COL6A6: variants seen among roughly 807,000 people sequenced by gnomAD.
COL6A6 encodes collagen alpha-6(VI) chain.
COL6A6 carries 183 observed loss-of-function variants against 208.6 expected under a neutral mutation model. The observed-to-expected ratio is 0.88, with a 90% confidence interval of 0.78 to 0.99. COL6A6 has a LOEUF of 0.99. Ranked by LOEUF, COL6A6 falls within the 50% of genes least tolerant of loss-of-function variation. The pLI is 0.00. For missense variants in COL6A6, 2,816 were observed against 2,815.2 expected (o/e 1.00, Z -0.01); for synonymous variants, 973 against 1,011.8 (o/e 0.96, Z 0.73).
At chr3:130,516,889 A>G (rs1710765646), upstream of COL6A6, among the ~76,000 whole-genome samples, 1 of 152,162 alleles carries the variant, frequency 6.6e-6, no homozygotes, top group Admixed American at 6.5e-5. Flanking sequence ...TCGGATCTGC[A>G]CGCCCTGCCT....
chr3:130,571,265 G>A lies in COL6A6; in HGVS notation c.2849G>A (p.Gly950Asp). 1 of 1,614,022 alleles carries A rather than the reference G, an allele frequency of 6.2e-7. No homozygotes were observed. Among genetic ancestry groups the A allele is most frequent in the Non-Finnish European group, 8.5e-7 (1 of 1,179,858 alleles). ...GILVLAVGID[G>D]ANPVELLAMA... ...CTTGTCCTGGCTGTGGGGATTGATG[G>A]TGCCAATCCCGTGGAGCTGTTAGCC... Residue 950 changes from glycine to aspartate, a missense_variant, in exon 7 of 37, where the codon GGT becomes GAT. Gly to Asp is a moderately conservative substitution (Grantham distance 94). Coordinates refer to ENST00000358511, the MANE Select transcript of COL6A6 (RefSeq NM_001102608.3).
chr3:130,537,023 G>A (rs1193913253), intron 1 of COL6A6, among the ~76,000 whole-genome samples: 9 of 152,198 alleles, frequency 5.9e-5, no homozygotes, highest in Admixed American at 2.0e-4. Flanking sequence ...GAAAGGAGAT[G>A]AGTTAATTAT....
At chr3:130,611,699 T>A (rs373383887) in intron 23 of COL6A6, among the ~76,000 whole-genome samples, 1 of 152,220 alleles carries the variant, frequency 6.6e-6, no homozygotes, top group Non-Finnish European at 1.5e-5. Flanking sequence ...CAGTCCAATA[T>A]GTAAGTGGTT....
At chr3:130,668,204 C>T (rs1275152606) in intron 36 of COL6A6, among the ~76,000 whole-genome samples, 7 of 151,980 alleles carry the variant, frequency 4.6e-5, no homozygotes, top group South Asian at 4.1e-4. Flanking sequence ...CAGCTGGGCG[C>T]GGTGGCTCAT....
At chr3:130,543,987 A>G (rs1194965162) in intron 1 of COL6A6, among the ~76,000 whole-genome samples, 1 of 152,148 alleles carries the variant, frequency 6.6e-6, no homozygotes, top group Non-Finnish European at 1.5e-5. Flanking sequence ...AGCCAAATAA[A>G]TTAATATATC....
chr3:130,523,871 C>T (rs1711226251), intron 1 of COL6A6, among the ~76,000 whole-genome samples: 1 of 152,168 alleles, frequency 6.6e-6, no homozygotes, highest in South Asian at 2.1e-4. Context: ...CAGTTTCTTC[C>T]AAACAGTCTT....
intron 36 of COL6A6, among the ~76,000 whole-genome samples, chr3:130,673,157 C>T (rs181964093): frequency 5.5e-5 from 7 of 126,974 alleles, no homozygotes; most frequent in African/African-American, 1.2e-4. Flanking sequence ...CCAGCCTGGG[C>T]GACAGAGCAA....
chr3:130,546,226 G>A (rs908100968), intron 1 of COL6A6, among the ~76,000 whole-genome samples: 2 of 152,122 alleles, frequency 1.3e-5, no homozygotes, highest in African/African-American at 4.8e-5. Flanking sequence ...GATGTGTTTG[G>A]AGTTTTTTCC....
chr3:130,664,610 A>G (rs1436141144), intron 35 of COL6A6, among the ~76,000 whole-genome samples: 1 of 151,972 alleles, frequency 6.6e-6, no homozygotes, highest in Non-Finnish European at 1.5e-5. Context: ...TAGTGTTTCA[A>G]AGATCATAAA....
chr3:130,657,690 G>A (rs982576732), intron 33 of COL6A6, among the ~76,000 whole-genome samples: 41 of 152,184 alleles, frequency 2.7e-4, no homozygotes, highest in African/African-American at 9.2e-4. Flanking sequence ...CAGGCCAAAT[G>A]TACTTTAACA....
intron 26 of COL6A6, among the ~76,000 whole-genome samples, chr3:130,631,454 G>A (rs2065005127): frequency 5.2e-5 from 1 of 19,062 alleles, no homozygotes; most frequent in Non-Finnish European, 7.1e-5. Flanking sequence ...ATTCACAGCC[G>A]AATTCTACCA....
At chr3:130,557,165 C>T (rs1219194810) in intron 1 of COL6A6, among the ~76,000 whole-genome samples, 2 of 151,154 alleles carry the variant, frequency 1.3e-5, no homozygotes, top group Admixed American at 6.6e-5. Flanking sequence ...TTTCACTCAG[C>T]CAAACACCTC....
At chr3:130,535,103 G>A (rs1015960770) in intron 1 of COL6A6, among the ~76,000 whole-genome samples, 2 of 133,042 alleles carry the variant, frequency 1.5e-5, no homozygotes, top group Non-Finnish European at 1.7e-5. Flanking sequence ...GACCTCCTCA[G>A]ACATTGCCTC....
At chr3:130,518,655 A>T (rs982211234) in intron 1 of COL6A6, among the ~76,000 whole-genome samples, 12 of 152,094 alleles carry the variant, frequency 7.9e-5, no homozygotes, top group Admixed American at 5.9e-4. Flanking sequence ...TACAGGCATG[A>T]GCCACCATGC....
rs2063910380 is a variant in COL6A6, at chr3:130,598,431, G to C, written c.4599+1G>C. 1 of 1,545,926 alleles carries C rather than the reference G, an allele frequency of 6.5e-7. No individual in the cohort carries two copies. On this transcript the variant is annotated splice_donor_variant, in intron 19 of 36. Coordinates refer to ENST00000358511, the MANE Select transcript of COL6A6 (RefSeq NM_001102608.3). LOFTEE classifies it high-confidence loss of function. The stretch of plus-strand genomic sequence containing the variant: ...CTTGAAAGGAGAACGTGGAAGACAA[G>C]TAATTACGTGGGCTTGTAAAATCGT...
rs76021498 is a variant in COL6A6 at position 130,671,182 on chromosome 3, G to A, written c.6597-4020G>A. The stretch of plus-strand genomic sequence containing the variant: ...CTTTTTTCCCTGCTTTTAGACTTAA[G>A]GGCCTGAATTTGCATTTTGCCGTCG... On this transcript the variant is annotated intron_variant, in intron 36 of 36. Coordinates refer to ENST00000358511, the MANE Select transcript of COL6A6 (RefSeq NM_001102608.3). Among the ~76,000 whole-genome samples, 601 of 152,318 alleles carry A rather than the reference G, an allele frequency of 3.9e-3. 7 individuals carry two copies. The highest frequency in any genetic ancestry group is 0.014 in the African/African-American group (571 of 41,566).
At chr3:130,518,256 T>G (rs1409442740) in intron 1 of COL6A6, among the ~76,000 whole-genome samples, 2 of 152,162 alleles carry the variant, frequency 1.3e-5, no homozygotes, top group Non-Finnish European at 2.9e-5. Flanking sequence ...ATCCTAACAC[T>G]TGTGGCAGGA....
chr3:130,617,738 G>T (rs1182073001), intron 23 of COL6A6, among the ~76,000 whole-genome samples: 1 of 152,040 alleles, frequency 6.6e-6, no homozygotes, highest in Non-Finnish European at 1.5e-5. Flanking sequence ...TGTTCATTGT[G>T]AGTTTTCATA....
Position 130,560,371 on chromosome 3 carries a change from T to G in COL6A6, c.7T>G (p.Leu3Val). The change falls in exon 2 of 37, where the codon TTG becomes GTG. Residue 3 changes from leucine (L) to valine (V), a missense_variant. Transcript: ENST00000358511. The stretch of plus-strand genomic sequence containing the variant: ...AGATTTTTCAGGTCATAATATGATG[T>G]TGCTAATTTTGTTCCTCGTGATAAT... The part of the protein sequence containing the change: MM[L>V]LILFLVIICS... The G allele has an allele frequency of 6.2e-7, 1 of 1,611,526 alleles. No homozygotes were observed. The highest frequency in any genetic ancestry group is 8.5e-7 in the Non-Finnish European group (1 of 1,179,054).
Sources: allele counts gnomAD v4.1 joint callset (sites outside exome capture counted in the v4.1 genomes callset), GRCh38; gene constraint gnomAD v4.1.1; transcripts MANE v1.5; gene names NCBI Gene and HGNC (gene_info 2026-07-23, HGNC 2026-07-21).